Variants in PDE10A observed in about 807,000 individuals in gnomAD.
PDE10A encodes the protein phosphodiesterase 10A.
PDE10A carries 39 observed loss-of-function variants against 97.7 expected under a neutral mutation model. That is an observed-to-expected ratio of 0.40 (90% CI 0.31 to 0.52). PDE10A has a LOEUF of 0.52. PDE10A is among the 20% of genes least tolerant of loss of function. PDE10A has a pLI of 0.56. For synonymous variants in PDE10A, 371 were observed against 376.8 expected, an observed-to-expected ratio of 0.98 and a Z score of 0.18; for missense variants, 731 against 1,047.8, an observed-to-expected ratio of 0.70 and a Z score of 4.17.
intron 1 of PDE10A, among the ~76,000 whole-genome samples, chr6:165,874,989 G>T (rs1181602454): frequency 6.6e-6 from 1 of 151,964 alleles, no homozygotes; most frequent in East Asian, 1.9e-4. Flanking sequence ...TCCTAGAGAG[G>T]GACAGAAAAT....
intron 18 of PDE10A, among the ~76,000 whole-genome samples, chr6:165,373,373 C>T (rs1368259234): frequency 6.6e-6 from 1 of 152,130 alleles, no homozygotes; most frequent in Non-Finnish European, 1.5e-5. Flanking sequence ...TGAACTCAAA[C>T]AAATTTACAA....
chr6:165,772,648 T>C (rs976963831), intron 1 of PDE10A, among the ~76,000 whole-genome samples: 1 of 152,202 alleles, frequency 6.6e-6, no homozygotes, highest in Non-Finnish European at 1.5e-5. Flanking sequence ...ATGATTATTG[T>C]CATTGTATAT....
At chr6:165,604,088 G>A (rs1787094735) in intron 1 of PDE10A, among the ~76,000 whole-genome samples, 1 of 152,174 alleles carries the variant, frequency 6.6e-6, no homozygotes. Context: ...GCCTTCCTCT[G>A]CCACCAAGTC....
At chr6:165,875,630 T>C (rs1373054747) in intron 1 of PDE10A, among the ~76,000 whole-genome samples, 1 of 152,124 alleles carries the variant, frequency 6.6e-6, no homozygotes, top group East Asian at 1.9e-4. Flanking sequence ...TTCTTGAGAG[T>C]ATACATTTAG....
intron 17 of PDE10A, 40 bp from the exon 18 acceptor site, chr6:165,379,406 A>C (rs1477529664): frequency 1.4e-5 from 21 of 1,480,562 alleles, no homozygotes; most frequent in Non-Finnish European, 1.9e-5. Context: ...AATAACAAGC[A>C]CAAGCTCTAA....
intron 3 of PDE10A, among the ~76,000 whole-genome samples, chr6:165,479,452 C>T (rs1462723903): frequency 6.6e-6 from 1 of 152,196 alleles, no homozygotes; most frequent in African/African-American, 2.4e-5. Context: ...CTGATTCTCT[C>T]ATTCCCTTCA....
At chr6:165,469,132 C>G (rs1270522645) in intron 3 of PDE10A, among the ~76,000 whole-genome samples, 1 of 152,198 alleles carries the variant, frequency 6.6e-6, no homozygotes, top group African/African-American at 2.4e-5. Flanking sequence ...ATAAGATATG[C>G]ATCTTCTATG....
At chr6:165,871,348 A>G (rs941632102) in intron 1 of PDE10A, among the ~76,000 whole-genome samples, 2 of 152,244 alleles carry the variant, frequency 1.3e-5, no homozygotes, top group Non-Finnish European at 2.9e-5. Flanking sequence ...TAACTAGAAC[A>G]AAAAGCAAGA....
chr6:165,785,194 G>C (rs761302537), intron 1 of PDE10A, among the ~76,000 whole-genome samples: 4 of 152,206 alleles, frequency 2.6e-5, no homozygotes, highest in African/African-American at 4.8e-5. Flanking sequence ...TAGGGTCCTT[G>C]CCTCCTGGTG....
intron 2 of PDE10A, among the ~76,000 whole-genome samples, chr6:165,529,414 C>A (rs1335849901): frequency 6.6e-6 from 1 of 152,128 alleles, no homozygotes; most frequent in Non-Finnish European, 1.5e-5. Context: ...TACAAATGGT[C>A]CAGACCCCTC....
chr6:165,483,019 T>C (rs912817795), intron 2 of PDE10A, among the ~76,000 whole-genome samples: 1 of 152,120 alleles, frequency 6.6e-6, no homozygotes, highest in African/African-American at 2.4e-5. Context: ...CAACAGGGTA[T>C]AAAACAAGCT....
chr6:165,896,355 A>AT (rs772660262), intron 1 of PDE10A, among the ~76,000 whole-genome samples: 16,160 of 143,986 alleles, frequency 0.11, 917 homozygotes, highest in Middle Eastern at 0.16. Context: ...ATATTTAGTA[A>AT]TTTTTTTTTT....
At chr6:165,950,624 C>G (rs911640213) in intron 1 of PDE10A, among the ~76,000 whole-genome samples, 3 of 152,202 alleles carry the variant, frequency 2.0e-5, no homozygotes, top group Non-Finnish European at 4.4e-5. Flanking sequence ...CAGACCAGGT[C>G]TGCTCGGATG....
intron 1 of PDE10A, among the ~76,000 whole-genome samples, chr6:165,619,399 G>GTAGTC: frequency 1.8e-5 from 1 of 55,756 alleles, no homozygotes; most frequent in Admixed American, 1.6e-4. Flanking sequence ...ATAGTGTAGT[G>GTAGTC]TAGTGTAGTC....
intron 1 of PDE10A, among the ~76,000 whole-genome samples, chr6:165,764,647 G>A (rs1231425274): frequency 5.9e-5 from 9 of 152,108 alleles, no homozygotes. Context: ...CGACGCGTCT[G>A]GAGTTGTTCC....
chr6:165,365,984 G>A (rs1783746666), intron 18 of PDE10A, among the ~76,000 whole-genome samples: 1 of 151,984 alleles, frequency 6.6e-6, no homozygotes, highest in African/African-American at 2.4e-5. Flanking sequence ...CTAATTCCAT[G>A]GAAAAGTACA....
chr6:165,836,468 G>A (rs1459243013), intron 1 of PDE10A, among the ~76,000 whole-genome samples: 1 of 152,206 alleles, frequency 6.6e-6, no homozygotes, highest in Non-Finnish European at 1.5e-5. Flanking sequence ...CAGCGGTCAG[G>A]CAGCTCTTCT....
At chr6:165,458,381 G>A (rs934455667) in intron 3 of PDE10A, among the ~76,000 whole-genome samples, 17 of 152,056 alleles carry the variant, frequency 1.1e-4, no homozygotes, top group African/African-American at 3.1e-4. Context: ...ATGGGATTAG[G>A]GACAGGACAC....
At chr6:165,563,074 C>T (rs1264344788) in intron 1 of PDE10A, among the ~76,000 whole-genome samples, 1 of 146,938 alleles carries the variant, frequency 6.8e-6, no homozygotes, top group Non-Finnish European at 1.5e-5. Flanking sequence ...AACAAAACTG[C>T]ATAAAATACT....
Sources: allele counts gnomAD v4.1 joint callset (sites outside exome capture counted in the v4.1 genomes callset), GRCh38; gene constraint gnomAD v4.1.1; transcripts MANE v1.5; gene names NCBI Gene and HGNC (gene_info 2026-07-23, HGNC 2026-07-21).